Variants in PDGFC observed in about 807,000 individuals in gnomAD.
PDGFC encodes the protein platelet derived growth factor C.
PDGFC carries 12 observed loss-of-function variants against 35.5 expected under a neutral mutation model. That is an observed-to-expected ratio of 0.34 (90% CI 0.22 to 0.55). The LOEUF (loss-of-function observed/expected upper bound fraction) is 0.55. Among genes scored for constraint, PDGFC ranks in the 20% least tolerant of loss-of-function variants. The pLI is 0.91. For synonymous variants in PDGFC, 159 were observed against 148.8 expected (o/e 1.07, Z -0.50); for missense variants, 322 against 412.4 (o/e 0.78, Z 1.90).
chr4:156,815,140 C>A (rs556358476), intron 2 of PDGFC, among the ~76,000 whole-genome samples: 1 of 152,032 alleles, frequency 6.6e-6, no homozygotes, highest in Admixed American at 6.6e-5. Flanking sequence ...AACAGTAGAA[C>A]TTAGCATATG....
At chr4:156,810,431 T>G (rs562279252) in intron 3 of PDGFC, among the ~76,000 whole-genome samples, 2 of 152,100 alleles carry the variant, frequency 1.3e-5, no homozygotes, top group South Asian at 4.1e-4. Flanking sequence ...CAATCATACA[T>G]GATAAATGAT....
intron 1 of PDGFC, chr4:156,886,888 T>C (rs1460769960): frequency 2.0e-5 from 3 of 152,216 alleles, no homozygotes; most frequent in Non-Finnish European, 4.4e-5. Context: ...GCCCTTGAAT[T>C]AACCCTGAAA....
At chr4:156,955,861 T>C (rs1419356968) in intron 1 of PDGFC, among the ~76,000 whole-genome samples, 1 of 152,040 alleles carries the variant, frequency 6.6e-6, no homozygotes. Context: ...TAGTTCATTT[T>C]TGAATAGGCT....
At chr4:156,956,617 T>C (rs1732216452) in intron 1 of PDGFC, among the ~76,000 whole-genome samples, 1 of 151,974 alleles carries the variant, frequency 6.6e-6, no homozygotes, top group Non-Finnish European at 1.5e-5. Flanking sequence ...GTTTAGGTCA[T>C]AGGTAACCAG....
intron 1 of PDGFC, among the ~76,000 whole-genome samples, chr4:156,926,046 T>C (rs1275562354): frequency 1.7e-5 from 1 of 57,242 alleles, no homozygotes; most frequent in Admixed American, 2.8e-4. Flanking sequence ...GTAAGATCTG[T>C]CTCAAAAAAA....
chr4:156,886,391 T>G (rs1485884183), intron 1 of PDGFC, among the ~76,000 whole-genome samples: 1 of 152,228 alleles, frequency 6.6e-6, no homozygotes. Context: ...GACTTGTACT[T>G]CTAGTTTAGA....
intron 1 of PDGFC, among the ~76,000 whole-genome samples, chr4:156,901,166 A>G (rs1171175118): frequency 6.6e-6 from 1 of 152,188 alleles, no homozygotes; most frequent in Non-Finnish European, 1.5e-5. Context: ...ACCCACCCAT[A>G]GAGATTCCAT....
At chr4:156,824,327 T>TATATATATATACACATATACACATAC (rs1491500876) in intron 2 of PDGFC, among the ~76,000 whole-genome samples, 31 of 102,744 alleles carry the variant, frequency 3.0e-4, no homozygotes, top group South Asian at 9.7e-4. Flanking sequence ...TATATATATA[T>TATATATATATACACATATACACATAC]ACACACACAC....
At position 156,861,606 on chromosome 4, in the gene PDGFC, A is replaced by C. The variant is rs1267974967; in HGVS notation, c.119-11190T>G. ...AGTTAAAAAAATTTGAAGGATTGGA[A>C]AGACACATAAGCTTGTAAAAATGAC... On this transcript the variant is annotated intron_variant, in intron 1 of 5. Transcript: ENST00000502773. 4 of 356,494 alleles carry C rather than the reference A, an allele frequency of 1.1e-5. No individual in the cohort carries two copies. The East Asian group carries it at 3.0e-4, about 26-fold the overall frequency. The allele number at this position is 356,494 out of a possible 1,614,324, so 22.1% of individuals were successfully genotyped here.
At chr4:156,960,166 T>C (rs891347630) in intron 1 of PDGFC, among the ~76,000 whole-genome samples, 1 of 151,038 alleles carries the variant, frequency 6.6e-6, no homozygotes, top group Non-Finnish European at 1.5e-5. Context: ...ATTTTCAGAT[T>C]GCTGCTTTTG....
chr4:156,772,018 T>A (rs1250001106), intron 4 of PDGFC, among the ~76,000 whole-genome samples: 2 of 152,160 alleles, frequency 1.3e-5, no homozygotes, highest in Non-Finnish European at 2.9e-5. Flanking sequence ...TAGGTTTAAT[T>A]AACATCACTT....
At chr4:156,813,541 G>A (rs937159879) in intron 2 of PDGFC, among the ~76,000 whole-genome samples, 16 of 152,000 alleles carry the variant, frequency 1.1e-4, no homozygotes, top group Admixed American at 6.6e-4. Context: ...AAAGGGGTGG[G>A]GGATGAAAAT....
chr4:156,928,964 A>G (rs991238233), intron 1 of PDGFC, among the ~76,000 whole-genome samples: 6 of 152,176 alleles, frequency 3.9e-5, no homozygotes, highest in African/African-American at 1.2e-4. Context: ...ATAAAACACA[A>G]CGGTCAAAGA....
intron 3 of PDGFC, among the ~76,000 whole-genome samples, chr4:156,795,676 G>A (rs1731421274): frequency 6.6e-6 from 1 of 152,150 alleles, no homozygotes; most frequent in Non-Finnish European, 1.5e-5. Flanking sequence ...AAAATATCAT[G>A]TGTTAATGTG....
At chr4:156,809,082 C>G (rs1468659015) in intron 3 of PDGFC, among the ~76,000 whole-genome samples, 1 of 151,976 alleles carries the variant, frequency 6.6e-6, no homozygotes, top group Non-Finnish European at 1.5e-5. Context: ...AACTCCTATG[C>G]CTTTACTCCC....
chr4:156,812,469 C>A (rs757471967), intron 2 of PDGFC, among the ~76,000 whole-genome samples: 1 of 151,982 alleles, frequency 6.6e-6, no homozygotes, highest in Non-Finnish European at 1.5e-5. Flanking sequence ...GAATACTAAG[C>A]AGGGCATTGC....
At chr4:156,882,295 C>T (rs73856773) in intron 1 of PDGFC, among the ~76,000 whole-genome samples, 1,534 of 152,030 alleles carry the variant, frequency 0.01, 28 homozygotes, top group African/African-American at 0.035. Flanking sequence ...ATGCTCTGAC[C>T]GAAGTATTTT....
chr4:156,881,752 C>T lies in PDGFC; in HGVS notation c.119-31336G>A, dbSNP rs563152723. Among the ~76,000 whole-genome samples the T allele has an allele frequency of 3.9e-3, 598 of 151,474 alleles. 1 individual carries two copies. The highest frequency in any genetic ancestry group is 0.014 in the African/African-American group (574 of 41,196). On this transcript the variant is annotated intron_variant, in intron 1 of 5. Coordinates refer to ENST00000502773, the MANE Select transcript of PDGFC (RefSeq NM_016205.3). ...GGCTGAGGAAGGAGAATCGCTTGAA[C>T]CCAGGAGGCAGAGGTTACAGTGAGC...
At chr4:156,960,819 A>C (rs1732325301) in intron 1 of PDGFC, among the ~76,000 whole-genome samples, 1 of 152,092 alleles carries the variant, frequency 6.6e-6, no homozygotes, top group Admixed American at 6.6e-5. Context: ...GGTAATCCAA[A>C]GGCAAATCAC....
Sources: gnomAD v4.1 joint callset for allele counts (sites outside exome capture counted in the v4.1 genomes callset) on GRCh38, gnomAD v4.1.1 for gene constraint, MANE v1.5 for transcripts, NCBI Gene and HGNC (gene_info 2026-07-23, HGNC 2026-07-21) for gene names.